ARHGAP12: variants seen among roughly 807,000 people sequenced by gnomAD.
ARHGAP12 encodes Rho GTPase activating protein 12.
A neutral mutation model predicts 108.6 loss-of-function variants in ARHGAP12; 64 were observed. That is an observed-to-expected ratio of 0.59 (90% CI 0.48 to 0.73). The LOEUF (loss-of-function observed/expected upper bound fraction) is 0.73, where lower values mean the gene tolerates loss of function less well. Among genes scored for constraint, ARHGAP12 ranks in the 30% least tolerant of loss-of-function variants. The pLI is 0.00. For synonymous variants in ARHGAP12, 312 were observed against 337.2 expected (o/e 0.93, Z 0.82); for missense variants, 940 against 1,005.9 (o/e 0.93, Z 0.89).
intron 3 of ARHGAP12, among the ~76,000 whole-genome samples, chr10:31,884,311 T>C (rs115672534): frequency 0.024 from 3,631 of 151,890 alleles, 159 homozygotes; most frequent in African/African-American, 0.082. Flanking sequence ...GAAAAAGTGA[T>C]TAATCTCCCC....
chr10:31,878,945 C>T lies in ARHGAP12; in HGVS notation c.685-17287G>A, dbSNP rs563442883. Among the ~76,000 whole-genome samples the T allele has an allele frequency of 1.4e-3, 210 of 152,288 alleles. 1 individual carries two copies. The highest frequency in any genetic ancestry group is 1.9e-3 in the Non-Finnish European group (126 of 68,024). On this transcript the variant is annotated intron_variant, in intron 3 of 19. Transcript: ENST00000344936. ...AATTCCTTCAAATCATTACAAATTG[C>T]CATCCCTTTAACATTAAGAGTCCCC...
intron 14 of ARHGAP12, 105 bp downstream of exon 14, chr10:31,814,154 G>A: frequency 1.1e-6 from 1 of 879,888 alleles, no homozygotes; most frequent in Non-Finnish European, 1.8e-6. Flanking sequence ...CAGCCCTTTT[G>A]TAACATTGGA....
chr10:31,880,169 A>G (rs755859277), intron 3 of ARHGAP12, among the ~76,000 whole-genome samples: 1 of 152,228 alleles, frequency 6.6e-6, no homozygotes, highest in Non-Finnish European at 1.5e-5. Context: ...TAGATGTCAC[A>G]GTTTTTGCCT....
At position 31,877,894 on chromosome 10, in the gene ARHGAP12, C is replaced by A. The variant is rs367647285; in HGVS notation, c.685-16236G>T. Among the ~76,000 whole-genome samples, 11 of 152,216 alleles carry A rather than the reference C, an allele frequency of 7.2e-5. No individual in the cohort carries two copies. In the East Asian group the frequency reaches 2.1e-3, roughly 29 times the overall value. On this transcript the variant is annotated intron_variant, in intron 3 of 19. Transcript: ENST00000344936. The stretch of plus-strand genomic sequence containing the variant: ...ATAGCTTGAGCCCAGCAGTTTGAGA[C>A]CAGCCTGGGGAACGTGGAGAAACCC...
chr10:31,850,029 C>T (rs1564388587), intron 6 of ARHGAP12, among the ~76,000 whole-genome samples: 1 of 152,128 alleles, frequency 6.6e-6, no homozygotes, highest in Non-Finnish European at 1.5e-5. Flanking sequence ...GGACTCTCTC[C>T]CTTCAAAGGA....
chr10:31,864,734 T>C (rs1290114989), intron 3 of ARHGAP12, among the ~76,000 whole-genome samples: 1 of 152,208 alleles, frequency 6.6e-6, no homozygotes, highest in African/African-American at 2.4e-5. Context: ...TGGACAGTTG[T>C]GTCCCTTTTT....
intron 6 of ARHGAP12, among the ~76,000 whole-genome samples, chr10:31,846,768 T>C (rs536771738): frequency 1.1e-3 from 163 of 152,248 alleles, no homozygotes; most frequent in African/African-American, 1.7e-3. Flanking sequence ...TTTTGCCAAA[T>C]TGGGGGCATT....
Position 31,884,974 on chromosome 10 carries a change from A to G in ARHGAP12, c.684+23198T>C, listed in dbSNP as rs547036968. On this transcript the variant is annotated intron_variant, in intron 3 of 19. Transcript: ENST00000344936. ...TATTTTTTTTTAATTTTGGGGGTAC[A>G]TGGTAGGTGTGTATATTTATAGAGT... Among the ~76,000 whole-genome samples the G allele has an allele frequency of 8.5e-5, 13 of 152,204 alleles. No homozygotes were observed. The East Asian group carries it at 2.5e-3, about 29-fold the overall frequency.
intron 3 of ARHGAP12, among the ~76,000 whole-genome samples, chr10:31,868,984 C>A (rs1837437858): frequency 6.6e-6 from 1 of 152,098 alleles, no homozygotes; most frequent in Non-Finnish European, 1.5e-5. Flanking sequence ...AGTCAGTGTA[C>A]CTGAGTGCGC....
intron 9 of ARHGAP12, among the ~76,000 whole-genome samples, chr10:31,834,791 G>C (rs1835951284): frequency 6.6e-6 from 1 of 151,684 alleles, no homozygotes; most frequent in South Asian, 2.1e-4. Context: ...GAAATATGAG[G>C]GTCAATAACA....
intron 16 of ARHGAP12, 139 bp from the exon 17 acceptor site, chr10:31,809,446 T>C: frequency 1.4e-6 from 1 of 738,526 alleles, no homozygotes; most frequent in Non-Finnish European, 2.3e-6. Context: ...TTTCTCTAAA[T>C]GGCTTCTGGT....
intron 3 of ARHGAP12, among the ~76,000 whole-genome samples, chr10:31,900,141 G>C (rs953433068): frequency 6.6e-6 from 1 of 152,130 alleles, no homozygotes; most frequent in Non-Finnish European, 1.5e-5. Context: ...TTTGCAATTA[G>C]GAAATACAAA....
chr10:31,883,419 A>C (rs1464691197), intron 3 of ARHGAP12, among the ~76,000 whole-genome samples: 1 of 152,244 alleles, frequency 6.6e-6, no homozygotes, highest in Non-Finnish European at 1.5e-5. Flanking sequence ...AATTCATCTT[A>C]AAGTATTGAA....
chr10:31,927,577 C>G (rs201163980), intron 1 of ARHGAP12, among the ~76,000 whole-genome samples: 1 of 152,136 alleles, frequency 6.6e-6, no homozygotes, highest in South Asian at 2.1e-4. Flanking sequence ...ATGATTAACC[C>G]AAAAGCCAGC....
intron 1 of ARHGAP12, among the ~76,000 whole-genome samples, chr10:31,919,598 C>T (rs1410546970): frequency 6.8e-6 from 1 of 146,650 alleles, no homozygotes; most frequent in Non-Finnish European, 1.5e-5. Flanking sequence ...CAAGACCATC[C>T]TGGCTCCCAC....
intron 10 of ARHGAP12, among the ~76,000 whole-genome samples, chr10:31,831,480 T>C (rs1835831662): frequency 6.8e-6 from 1 of 147,588 alleles, no homozygotes; most frequent in Non-Finnish European, 1.5e-5. Context: ...TACTGCTTAC[T>C]GAAAAAAAAA....
At chr10:31,903,869 C>T (rs764835148) in intron 3 of ARHGAP12, among the ~76,000 whole-genome samples, 16 of 152,088 alleles carry the variant, frequency 1.1e-4, no homozygotes, top group Non-Finnish European at 1.8e-4. Context: ...ACATATTCAA[C>T]ATCAGTACCC....
intron 3 of ARHGAP12, among the ~76,000 whole-genome samples, chr10:31,888,856 A>C (rs926785050): frequency 4.6e-5 from 7 of 152,246 alleles, no homozygotes; most frequent in Non-Finnish European, 1.0e-4. Context: ...AAAAGGGTCA[A>C]AACAGAAATT....
At chr10:31,914,818 T>C (rs1012737917) in intron 1 of ARHGAP12, among the ~76,000 whole-genome samples, 3 of 152,168 alleles carry the variant, frequency 2.0e-5, no homozygotes, top group Non-Finnish European at 4.4e-5. Flanking sequence ...GAAATCAGTA[T>C]GTGAAGAGAT....
Sources: allele counts gnomAD v4.1 joint callset (sites outside exome capture counted in the v4.1 genomes callset), GRCh38; gene constraint gnomAD v4.1.1; transcripts MANE v1.5; gene names NCBI Gene and HGNC (gene_info 2026-07-23, HGNC 2026-07-21).